PGR: variants seen among roughly 807,000 people sequenced by gnomAD.
PGR encodes the protein progesterone receptor, also known as nuclear receptor subfamily 3 group C member 3.
In PGR, 25 loss-of-function variants were observed where a neutral mutation model predicts 76.1. The observed-to-expected ratio is 0.33, with a 90% confidence interval of 0.24 to 0.46. The LOEUF (loss-of-function observed/expected upper bound fraction) is 0.46, where lower values mean the gene tolerates loss of function less well. PGR is among the 20% of genes least tolerant of loss of function. The pLI is 1.00. For missense variants in PGR, 1,172 were observed against 1,225.3 expected (o/e 0.96, Z 0.65); for synonymous variants, 579 against 535.0 (o/e 1.08, Z -1.14).
rs1304202369 is a variant in PGR, at chr11:101,127,901, C to G, written c.1170G>C (p.Glu390Asp). The change falls in exon 1 of 8, where the codon GAG becomes GAC. Residue 390 changes from glutamate to aspartate, a missense_variant. Physicochemically the swap from Glu to Asp is conservative, Grantham distance 45. Coordinates refer to ENST00000325455, the MANE Select transcript of PGR (RefSeq NM_000926.4). The stretch of plus-strand genomic sequence containing the variant: ...GCGCGGAGGCCTCCGCGCCTTCCTC[C>G]TCCTCCTTTATCTTTAGAGCGGGCG... ...FQPPALKIKE[E>D]EEGAEASARS... 6.2e-7 allele frequency: 1 copy of G among 1,610,108 alleles called. No individual in the cohort carries two copies. Among genetic ancestry groups the G allele is most frequent in the Non-Finnish European group, 8.5e-7 (1 of 1,179,602 alleles).
chr11:101,032,400 T>C lies in PGR; in HGVS notation c.*6716A>G. The C allele has an allele frequency of 4.3e-6, 1 of 232,608 alleles. No homozygotes were observed. 14.4% of individuals were successfully genotyped at this position (232,608 alleles called of 1,614,324 possible). ...CATATGAATTGTGCTGCTTTCCTGT[T>C]TACAACAGAATCAAGTCTACACTCT... On this transcript the variant is annotated 3_prime_UTR_variant, in exon 8 of 8. Transcript: ENST00000325455.
At chr11:101,050,148 T>C (rs1860038445) in intron 5 of PGR, 89 bp from the exon 6 acceptor site, 1 of 1,293,762 alleles carries the variant, frequency 7.7e-7, no homozygotes, top group Non-Finnish European at 1.1e-6. Flanking sequence ...GGGAATATGG[T>C]TTTGGTAATT....
chr11:101,125,965 A>T, intron 2 of PGR, 42 bp downstream of exon 2: 2 of 1,562,100 alleles, frequency 1.3e-6, no homozygotes, highest in Admixed American at 1.7e-5. Flanking sequence ...GTCTCCATTT[A>T]CAATTAAACC....
chr11:101,121,625 T>C (rs1862679589), intron 2 of PGR, among the ~76,000 whole-genome samples: 1 of 152,222 alleles, frequency 6.6e-6, no homozygotes, highest in South Asian at 2.1e-4. Flanking sequence ...GTCAATTCTC[T>C]AGTTGTCCAA....
intron 5 of PGR, 142 bp downstream of exon 5, chr11:101,051,282 C>A: frequency 1.6e-6 from 1 of 617,552 alleles, no homozygotes; most frequent in Non-Finnish European, 2.8e-6. Flanking sequence ...GGAAAAAGCT[C>A]CAAATATAAA....
At chr11:101,093,082 G>C (rs1861722211) in intron 2 of PGR, among the ~76,000 whole-genome samples, 1 of 152,178 alleles carries the variant, frequency 6.6e-6, no homozygotes. Context: ...CTGACCTCAT[G>C]CATTTCTGGA....
chr11:101,084,880 G>A (rs897076130), intron 3 of PGR, among the ~76,000 whole-genome samples: 1 of 152,064 alleles, frequency 6.6e-6, no homozygotes, highest in African/African-American at 2.4e-5. Flanking sequence ...AAAAATAAGG[G>A]CATAACGATA....
intron 4 of PGR, among the ~76,000 whole-genome samples, chr11:101,060,220 T>C (rs537304120): frequency 5.3e-5 from 8 of 152,256 alleles, no homozygotes; most frequent in Admixed American, 3.9e-4. Context: ...TCACTGTAAA[T>C]AAGCAAGTTA....
In PGR at chr11:101,032,485, A is replaced by T. The variant is rs1859382159; in HGVS notation, c.*6631T>A. The stretch of plus-strand genomic sequence containing the variant: ...CCTGGCTTTCTTCTTCAGTCTCATC[A>T]TCCATCCCCACCCCACATTCTCTCT... On this transcript the variant is annotated 3_prime_UTR_variant, in exon 8 of 8. Transcript: ENST00000325455. The T allele has an allele frequency of 4.3e-6, 1 of 232,638 alleles. No homozygotes were observed. Among genetic ancestry groups the T allele is most frequent in the Non-Finnish European group, 8.5e-6 (1 of 117,880 alleles). The allele number at this position is 232,638 out of a possible 1,614,324, so 14.4% of individuals were successfully genotyped here.
chr11:101,107,559 T>C (rs1225443592), intron 2 of PGR, among the ~76,000 whole-genome samples: 1 of 152,106 alleles, frequency 6.6e-6, no homozygotes, highest in Non-Finnish European at 1.5e-5. Flanking sequence ...TCACATACTA[T>C]TGAGAAAGGA....
intron 4 of PGR, among the ~76,000 whole-genome samples, chr11:101,059,765 A>C (rs529216): frequency 0.72 from 107,837 of 149,264 alleles, 39,603 homozygotes; most frequent in East Asian, 0.99. Flanking sequence ...ATAACTTGAG[A>C]CCAAGAGGTC....
intron 3 of PGR, among the ~76,000 whole-genome samples, chr11:101,080,843 C>T (rs559115590): frequency 5.9e-5 from 9 of 151,822 alleles, no homozygotes; most frequent in African/African-American, 1.2e-4. Context: ...TTTTGAAATT[C>T]GTTATCAATA....
chr11:101,125,652 T>A (rs563779619), intron 2 of PGR, among the ~76,000 whole-genome samples: 1 of 152,162 alleles, frequency 6.6e-6, no homozygotes. Flanking sequence ...AATTTTAAAG[T>A]ACTGCATACA....
chr11:101,039,357 CTATT>C (rs1859619459), intron 7 of PGR, 86 bp from the exon 8 acceptor site: 2 of 997,818 alleles, frequency 2.0e-6, no homozygotes, highest in Non-Finnish European at 3.1e-6. Context: ...ATTTTTCTAA[CTATT>C]TATAATATAA....
rs548456420 is a variant in PGR at position 101,075,634 on chromosome 11, A to C, written c.1907-12882T>G. On this transcript the variant is annotated intron_variant, in intron 3 of 7. Coordinates refer to ENST00000325455, the MANE Select transcript of PGR (RefSeq NM_000926.4). ...TAAACAAATTTACAAAAAAAAAAACAAAAAACAACCCCATCAAAAAGTGGG... is the reference window on the plus strand; with the variant it reads ...TAAACAAATTTACAAAAAAAAAAACCAAAAACAACCCCATCAAAAAGTGGG... Among the ~76,000 whole-genome samples the C allele has an allele frequency of 5.3e-4, 80 of 150,952 alleles. 3 individuals are homozygous for C. The South Asian group carries it at 0.016, about 30-fold the overall frequency.
In PGR at chr11:101,082,360, G is replaced by C. The variant is rs544091983; in HGVS notation, c.1906+9400C>G. Among the ~76,000 whole-genome samples the C allele has an allele frequency of 3.3e-5, 5 of 152,350 alleles. No individual in the cohort carries two copies. The South Asian group carries it at 1.0e-3, about 32-fold the overall frequency. On this transcript the variant is annotated intron_variant, in intron 3 of 7. Coordinates refer to ENST00000325455, the MANE Select transcript of PGR (RefSeq NM_000926.4). ...ATTGGTACTGGGAGAGTGGAGCACAGTTAAGAAGATACCTGAAAATGTGGG... is the reference window on the plus strand; with the variant it reads ...ATTGGTACTGGGAGAGTGGAGCACACTTAAGAAGATACCTGAAAATGTGGG...
intron 2 of PGR, among the ~76,000 whole-genome samples, chr11:101,100,576 G>A (rs907816654): frequency 2.7e-5 from 4 of 149,704 alleles, no homozygotes; most frequent in Non-Finnish European, 4.4e-5. Context: ...GTTGTTAGAG[G>A]TAATAATGCT....
intron 3 of PGR, among the ~76,000 whole-genome samples, chr11:101,073,373 G>T (rs556780183): frequency 1.6e-4 from 24 of 152,316 alleles, no homozygotes; most frequent in African/African-American, 5.5e-4. Flanking sequence ...ACAGGAGAAA[G>T]TGGGAATGAT....
In PGR at chr11:101,128,194, GCCC is replaced by G; in HGVS notation, c.874_876del (p.Gly292del). The G allele has an allele frequency of 6.3e-7, 1 of 1,598,380 alleles. No homozygotes were observed. Among genetic ancestry groups the G allele is most frequent in the Non-Finnish European group, 8.5e-7 (1 of 1,179,620 alleles). On this transcript the variant is annotated inframe_deletion, in exon 1 of 8. Transcript: ENST00000325455. ...ATCACCGTGGTGGCCAGCGGGGAGC[GCCC>G]GGGCGCCATCGGCGCGTCCTGCTCC...
Sources: gnomAD v4.1 joint callset for allele counts (sites outside exome capture counted in the v4.1 genomes callset) on GRCh38, gnomAD v4.1.1 for gene constraint, MANE v1.5 for transcripts, NCBI Gene and HGNC (gene_info 2026-07-23, HGNC 2026-07-21) for gene names.